AK8: variants seen among roughly 807,000 people sequenced by gnomAD.
AK8 encodes the protein ATP-AMP transphosphorylase 8.
In AK8, 44 loss-of-function variants were observed where a neutral mutation model predicts 54.6. That is an observed-to-expected ratio of 0.81 (90% CI 0.63 to 1.04). AK8 has a LOEUF of 1.04. AK8 is among the 50% of genes least tolerant of loss of function. The pLI is 0.00. For synonymous variants in AK8, 239 were observed against 245.6 expected, an observed-to-expected ratio of 0.97 and a Z score of 0.25; for missense variants, 555 against 613.6, an observed-to-expected ratio of 0.90 and a Z score of 1.01.
intron 9 of AK8, among the ~76,000 whole-genome samples, chr9:132,822,805 G>A (rs1162411207): frequency 6.6e-6 from 1 of 152,106 alleles, no homozygotes; most frequent in African/African-American, 2.4e-5. Flanking sequence ...GGCACCAAAC[G>A]AGACTGGAGA....
intron 9 of AK8, among the ~76,000 whole-genome samples, chr9:132,815,591 C>A (rs759161764): frequency 1.3e-5 from 2 of 152,128 alleles, no homozygotes; most frequent in Admixed American, 6.5e-5. Flanking sequence ...AAAGGTACCA[C>A]GCTGCAGTCA....
rs776649969 is a variant in AK8, at chr9:132,730,172, TC to T, written c.1122-2639del. ...TTCGTTTCAGACTGCCTCCTCCAAG[TC>T]AGTGAACAAAAGCAGCCTCTCACTG... On this transcript the variant is annotated intron_variant, in intron 11 of 12. Coordinates refer to ENST00000298545, the MANE Select transcript of AK8 (RefSeq NM_152572.3). Among the ~76,000 whole-genome samples the T allele has an allele frequency of 2.0e-5, 3 of 152,274 alleles. No homozygotes were observed. In the East Asian group the frequency reaches 5.8e-4, roughly 29 times the overall value.
chr9:132,800,058 G>A (rs905898123), intron 10 of AK8, among the ~76,000 whole-genome samples: 1 of 152,208 alleles, frequency 6.6e-6, no homozygotes, highest in Non-Finnish European at 1.5e-5. Context: ...CCTGAAAGAA[G>A]CGGGGCTCGC....
intron 11 of AK8, among the ~76,000 whole-genome samples, chr9:132,753,111 T>G (rs76996121): frequency 0.011 from 1,744 of 152,294 alleles, 38 homozygotes; most frequent in African/African-American, 0.04. Flanking sequence ...TCCGAGCTGA[T>G]CATTCTACAC....
At chr9:132,843,122 A>G (rs1842608292) in intron 5 of AK8, among the ~76,000 whole-genome samples, 4 of 152,148 alleles carry the variant, frequency 2.6e-5, no homozygotes, top group African/African-American at 9.7e-5. Flanking sequence ...TATAGTTTGG[A>G]TATGTGTCCC....
In AK8 at chr9:132,750,880, C is replaced by T. The variant is rs541067262; in HGVS notation, c.1122-23346G>A. On this transcript the variant is annotated intron_variant, in intron 11 of 12. Transcript: ENST00000298545. ...GGGTAAAGGTCACCGCCTGGAAGGC[C>T]TAACCCAGAGGCCAGCCCTGTGGCT... is the stretch of plus-strand genomic sequence containing the variant. Among the ~76,000 whole-genome samples, 5 of 152,146 alleles carry T rather than the reference C, an allele frequency of 3.3e-5. No homozygotes were observed. The South Asian group carries it at 1.0e-3, about 32-fold the overall frequency.
Position 132,790,251 on chromosome 9 carries a change from ACTT to A in AK8, c.1121+2380_1121+2382del, listed in dbSNP as rs546942291. 8.2e-4 allele frequency among the ~76,000 whole-genome samples: 124 copies of A among 151,534 alleles called. No individual in the cohort carries two copies. Among genetic ancestry groups the A allele is most frequent in the Non-Finnish European group, 1.6e-3 (108 of 67,898 alleles). On this transcript the variant is annotated intron_variant, in intron 11 of 12. Transcript: ENST00000298545. The surrounding 1 kb of genome is among the most constrained non-coding windows in gnomAD (Gnocchi z 4.1). ...TAGAGATTTTAAATCACGGAGCTAT[ACTT>A]CTTTTTTTTTTTTTGAGACGGAGTC... is the stretch of plus-strand genomic sequence containing the variant.
intron 11 of AK8, among the ~76,000 whole-genome samples, chr9:132,741,516 T>C (rs1023430001): frequency 2.6e-5 from 4 of 152,224 alleles, no homozygotes; most frequent in African/African-American, 9.7e-5. Flanking sequence ...CTCCGTGTCC[T>C]GAGGTGTGGC....
chr9:132,843,428 G>A (rs921236739), intron 5 of AK8, among the ~76,000 whole-genome samples: 8 of 152,088 alleles, frequency 5.3e-5, no homozygotes, highest in South Asian at 2.1e-4. Flanking sequence ...TATAGCCTGC[G>A]GAACCATGAG....
At chr9:132,797,827 C>T (rs759436856) in intron 10 of AK8, among the ~76,000 whole-genome samples, 2 of 152,202 alleles carry the variant, frequency 1.3e-5, no homozygotes, top group Non-Finnish European at 2.9e-5. Context: ...GGCGGCTCTC[C>T]CTTTTGGGGG....
At position 132,854,781 on chromosome 9, in the gene AK8, G is replaced by C. The variant is rs974405684; in HGVS notation, c.402+76C>G. ...TCTCTTATGCCTCTGGTCATCTCTG[G>C]TCTTGGAGATGAACACACGCCCTTC... On this transcript the variant is annotated intron_variant, in intron 5 of 12. Coordinates refer to ENST00000298545, the MANE Select transcript of AK8 (RefSeq NM_152572.3). The C allele has an allele frequency of 6.1e-6, 9 of 1,481,142 alleles. No individual in the cohort carries two copies. The African/African-American group carries it at 6.9e-5, about 11-fold the overall frequency. 91.7% of individuals were successfully genotyped at this position (1,481,142 alleles called of 1,614,324 possible).
At chr9:132,752,596 A>G (rs115744423) in intron 11 of AK8, among the ~76,000 whole-genome samples, 1,750 of 152,254 alleles carry the variant, frequency 0.011, 38 homozygotes, top group African/African-American at 0.04. Flanking sequence ...GTGTAATCAA[A>G]TGTTTGAAAT....
intron 2 of AK8, among the ~76,000 whole-genome samples, chr9:132,868,369 C>G (rs1440011782): frequency 6.6e-6 from 1 of 152,210 alleles, no homozygotes; most frequent in Non-Finnish European, 1.5e-5. Flanking sequence ...CAAGGTAACT[C>G]ACTGAATGAT....
chr9:132,823,152 G>T (rs956965844), intron 9 of AK8, 53 bp downstream of exon 9: 1 of 1,501,352 alleles, frequency 6.7e-7, no homozygotes, highest in Non-Finnish European at 8.9e-7. Context: ...AGGAGGGGCA[G>T]GAGGCAGGGA....
intron 8 of AK8, among the ~76,000 whole-genome samples, chr9:132,825,426 G>T (rs931855894): frequency 5.9e-5 from 9 of 152,152 alleles, no homozygotes; most frequent in Non-Finnish European, 1.2e-4. Flanking sequence ...TAATTTGGAA[G>T]TAATTAATGT....
At chr9:132,768,144 G>A (rs142706191) in intron 11 of AK8, among the ~76,000 whole-genome samples, 20 of 152,214 alleles carry the variant, frequency 1.3e-4, no homozygotes, top group African/African-American at 4.1e-4. Context: ...TTAAGGTGAC[G>A]GACATCTTAA....
chr9:132,737,837 C>T (rs1011444954), intron 11 of AK8, among the ~76,000 whole-genome samples: 4 of 152,194 alleles, frequency 2.6e-5, no homozygotes, highest in African/African-American at 9.7e-5. Context: ...ACTCTCACTT[C>T]TACTAGTCAT....
intron 11 of AK8, among the ~76,000 whole-genome samples, chr9:132,751,842 CTTA>C (rs952667413): frequency 6.6e-5 from 10 of 151,632 alleles, no homozygotes; most frequent in African/African-American, 2.4e-4. Context: ...TATTTATTTT[CTTA>C]TTTTTTTATT....
At chr9:132,867,219 T>C (rs774337942) in intron 2 of AK8, among the ~76,000 whole-genome samples, 3 of 152,042 alleles carry the variant, frequency 2.0e-5, no homozygotes, top group Non-Finnish European at 2.9e-5. Flanking sequence ...CTCATAAATA[T>C]CAAGAACAAT....
Sources: allele counts gnomAD v4.1 joint callset (sites outside exome capture counted in the v4.1 genomes callset), GRCh38; gene constraint gnomAD v4.1.1; non-coding constraint Gnocchi (gnomAD v3.1); transcripts MANE v1.5; gene names NCBI Gene and HGNC (gene_info 2026-07-23, HGNC 2026-07-21).